DNAJC1: variants seen among roughly 807,000 people sequenced by gnomAD.
DNAJC1 encodes the protein DnaJ heat shock protein family (Hsp40) member C1, also known as dnaJ homolog subfamily C member 1.
Under a neutral mutation model 76.6 loss-of-function variants are expected in DNAJC1, and 58 were observed. The observed-to-expected ratio is 0.76, with a 90% CI of 0.61 to 0.94. The LOEUF (loss-of-function observed/expected upper bound fraction) is 0.94, where lower values mean the gene tolerates loss of function less well. Among genes scored for constraint, DNAJC1 ranks in the 40% least tolerant of loss-of-function variants. The pLI is 0.00. For missense variants in DNAJC1, 689 were observed against 677.3 expected (o/e 1.02, Z -0.19); for synonymous variants, 258 against 267.9 (o/e 0.96, Z 0.36).
intron 1 of DNAJC1, among the ~76,000 whole-genome samples, chr10:21,965,714 A>G (rs1338773065): frequency 1.3e-5 from 2 of 152,234 alleles, no homozygotes; most frequent in Non-Finnish European, 2.9e-5. Context: ...AAACCCTTGT[A>G]GCAGAACACA....
chr10:21,996,094 A>T (rs1838411807), intron 1 of DNAJC1, among the ~76,000 whole-genome samples: 1 of 152,214 alleles, frequency 6.6e-6, no homozygotes, highest in Non-Finnish European at 1.5e-5. Flanking sequence ...ACTTCATTAT[A>T]AAATGATCTA....
At chr10:21,824,748 T>C (rs567893967) in intron 8 of DNAJC1, among the ~76,000 whole-genome samples, 1 of 152,254 alleles carries the variant, frequency 6.6e-6, no homozygotes, top group South Asian at 2.1e-4. Context: ...ACATAAAATT[T>C]GACATTTTAA....
At chr10:21,855,028 A>C (rs188585074) in intron 8 of DNAJC1, among the ~76,000 whole-genome samples, 1 of 152,312 alleles carries the variant, frequency 6.6e-6, no homozygotes, top group Admixed American at 6.5e-5. Context: ...CTTTAACCAT[A>C]GTTCCATTAA....
At chr10:21,762,489 G>A (rs184910472) in intron 10 of DNAJC1, among the ~76,000 whole-genome samples, 2 of 152,316 alleles carry the variant, frequency 1.3e-5, no homozygotes, top group Admixed American at 6.5e-5. Context: ...CTATCCACAT[G>A]TAGCGTCCTG....
intron 4 of DNAJC1, among the ~76,000 whole-genome samples, chr10:21,920,283 TTTGA>T (rs565165011): frequency 1.1e-4 from 17 of 152,156 alleles, no homozygotes; most frequent in Admixed American, 6.5e-4. Flanking sequence ...GATAAATATG[TTTGA>T]TTATCTTTAA....
At chr10:21,994,313 A>C (rs1390823307) in intron 1 of DNAJC1, among the ~76,000 whole-genome samples, 1 of 152,200 alleles carries the variant, frequency 6.6e-6, no homozygotes, top group African/African-American at 2.4e-5. Flanking sequence ...CATGTTGAAA[A>C]ACTGTGAAGC....
Position 21,882,346 on chromosome 10 carries a change from A to C in DNAJC1, c.914T>G (p.Ile305Arg), listed in dbSNP as rs1185073332. ...YIQSYDHGTSIEEIEEQMDDW... is the reference protein window; with the variant it reads ...YIQSYDHGTSREEIEEQMDDW... ...ATCCATTTGTTCCTCAATTTCTTCTATGGAAGTTCCATGATCATAAGACTG... is the reference window on the plus strand; with the variant it reads ...ATCCATTTGTTCCTCAATTTCTTCTCTGGAAGTTCCATGATCATAAGACTG... The change falls in exon 8 of 12, where the codon ATA (isoleucine) becomes AGA (arginine). Residue 305 changes from isoleucine (I) to arginine (R), a missense_variant. By Grantham distance (97) the Ile-to-Arg change is moderately conservative. Coordinates refer to ENST00000376980, the MANE Select transcript of DNAJC1 (RefSeq NM_022365.4). 6.2e-7 allele frequency: 1 copy of C among 1,604,240 alleles called. No homozygotes were observed. Among genetic ancestry groups the C allele is most frequent in the South Asian group, 1.1e-5 (1 of 88,590 alleles).
At chr10:21,871,272 C>T (rs994376082) in intron 8 of DNAJC1, among the ~76,000 whole-genome samples, 2 of 150,558 alleles carry the variant, frequency 1.3e-5, no homozygotes, top group Admixed American at 1.3e-4. Context: ...TGCGCACATA[C>T]TCAGGAAAGT....
chr10:21,835,017 G>A (rs2131672339), intron 8 of DNAJC1, among the ~76,000 whole-genome samples: 1 of 152,322 alleles, frequency 6.6e-6, no homozygotes, highest in Non-Finnish European at 1.5e-5. Flanking sequence ...CTGAGAATGG[G>A]CAGACTGCCT....
At chr10:21,783,075 A>T (rs1375105688) in intron 9 of DNAJC1, among the ~76,000 whole-genome samples, 1 of 152,182 alleles carries the variant, frequency 6.6e-6, no homozygotes, top group African/African-American at 2.4e-5. Flanking sequence ...AGAAAGAAAT[A>T]AAGGGTATTC....
chr10:21,843,926 G>T (rs903507457), intron 8 of DNAJC1, among the ~76,000 whole-genome samples: 1 of 152,090 alleles, frequency 6.6e-6, no homozygotes, highest in Non-Finnish European at 1.5e-5. Context: ...CCTGTCAAGG[G>T]CAGGGTGAGG....
intron 9 of DNAJC1, among the ~76,000 whole-genome samples, chr10:21,779,909 T>C (rs556979596): frequency 6.6e-6 from 1 of 152,316 alleles, no homozygotes; most frequent in Non-Finnish European, 1.5e-5. Context: ...AATGACCTGA[T>C]GGAGCTGAAA....
At chr10:21,917,884 A>G (rs1307486126) in intron 6 of DNAJC1, among the ~76,000 whole-genome samples, 1 of 151,994 alleles carries the variant, frequency 6.6e-6, no homozygotes, top group Admixed American at 6.5e-5. Flanking sequence ...TGAGAAAAAT[A>G]AAGGAAAATG....
Position 21,971,696 on chromosome 10 carries a change from T to C in DNAJC1, c.222+31517A>G, listed in dbSNP as rs574200281. ...ATATTCTGAAATGAGAAGTTTGACA[T>C]CATAATTCAAATTACTTCTGCTAAA... is the stretch of plus-strand genomic sequence containing the variant. On this transcript the variant is annotated intron_variant, in intron 1 of 11. Coordinates refer to ENST00000376980, the MANE Select transcript of DNAJC1 (RefSeq NM_022365.4). Among the ~76,000 whole-genome samples, 22 of 152,038 alleles carry C rather than the reference T, an allele frequency of 1.4e-4. No homozygotes were observed. In the South Asian group the frequency reaches 4.6e-3, roughly 31 times the overall value.
At chr10:21,894,647 G>C (rs989234231) in intron 7 of DNAJC1, among the ~76,000 whole-genome samples, 1 of 152,120 alleles carries the variant, frequency 6.6e-6, no homozygotes, top group Non-Finnish European at 1.5e-5. Context: ...CCAATACCAA[G>C]GTAACACAAA....
chr10:21,858,644 A>G (rs991792213), intron 8 of DNAJC1, among the ~76,000 whole-genome samples: 19 of 152,240 alleles, frequency 1.2e-4, no homozygotes, highest in Non-Finnish European at 2.6e-4. Flanking sequence ...GCCCATGGCA[A>G]TAAGGATGCA....
intron 1 of DNAJC1, among the ~76,000 whole-genome samples, chr10:21,983,821 G>A (rs1047042279): frequency 6.6e-6 from 1 of 152,130 alleles, no homozygotes; most frequent in South Asian, 2.1e-4. Flanking sequence ...TTCTGTTTGG[G>A]ATGACGGAAA....
chr10:21,890,025 TAA>T (rs1276010082), intron 7 of DNAJC1, among the ~76,000 whole-genome samples: 1 of 152,136 alleles, frequency 6.6e-6, no homozygotes, highest in African/African-American at 2.4e-5. Context: ...CTCCTGCTAA[TAA>T]AGTCAGTGGA....
chr10:21,923,810 C>T (rs1837076652), intron 3 of DNAJC1, among the ~76,000 whole-genome samples: 1 of 151,630 alleles, frequency 6.6e-6, no homozygotes, highest in South Asian at 2.1e-4. Flanking sequence ...CATATTTAGG[C>T]TAATACAAAC....
Sources: allele counts gnomAD v4.1 joint callset (sites outside exome capture counted in the v4.1 genomes callset), GRCh38; gene constraint gnomAD v4.1.1; transcripts MANE v1.5; gene names NCBI Gene and HGNC (gene_info 2026-07-23, HGNC 2026-07-21).